The following HMGN5 variants were observed in gnomAD, a reference collection of about 807,000 sequenced individuals.
The protein encoded by HMGN5 is high mobility group nucleosome-binding domain-containing protein 5.
Under a neutral mutation model 9.5 loss-of-function variants are expected in HMGN5, and 4 were observed. The observed-to-expected ratio is 0.42, with a 90% CI of 0.21 to 0.96. The LOEUF (loss-of-function observed/expected upper bound fraction) is 0.96. Among genes scored for constraint, HMGN5 ranks in the 40% least tolerant of loss-of-function variants. The probability of loss-of-function intolerance (pLI) is 0.30; values close to 1 mark genes in which losing one functional copy is unlikely to be tolerated. For missense variants in HMGN5, 192 were observed against 187.5 expected, an observed-to-expected ratio of 1.02 and a Z score of -0.14; for synonymous variants, 55 against 57.1, an observed-to-expected ratio of 0.96 and a Z score of 0.16.
chrX:81,170,053 CAAAAAAAA>C (rs397896203), intron 1 of HMGN5, among the ~76,000 whole-genome samples: 2 of 34,797 alleles, frequency 5.7e-5, no homozygotes, highest in African/African-American at 8.9e-5. Flanking sequence ...GACCCCGTCT[CAAAAAAAA>C]AAAAAAAAAA....
intron 1 of HMGN5, among the ~76,000 whole-genome samples, chrX:81,181,428 T>C (rs988910000): frequency 1.8e-5 from 2 of 111,750 alleles, no homozygotes; most frequent in African/African-American, 6.5e-5. Flanking sequence ...ATCCATCACC[T>C]CAAGTATTTA....
chrX:81,176,396 T>C (rs918272749), intron 1 of HMGN5, among the ~76,000 whole-genome samples: 1 of 111,452 alleles, frequency 9.0e-6, no homozygotes, highest in African/African-American at 3.3e-5. Flanking sequence ...AGGATCACAG[T>C]TCCTCACCAG....
At chrX:81,170,297 T>C (rs1164264865) in intron 1 of HMGN5, among the ~76,000 whole-genome samples, 1 of 111,303 alleles carries the variant, frequency 9.0e-6, no homozygotes, top group Admixed American at 9.6e-5. Context: ...TGTGATGCAC[T>C]GAGTCCATGA....
chrX:81,196,021 T>C (rs765476404), intron 1 of HMGN5, among the ~76,000 whole-genome samples: 2 of 111,127 alleles, frequency 1.8e-5, no homozygotes, highest in Admixed American at 9.5e-5. Context: ...TGCACATCAC[T>C]ACATAGCAGG....
rs397896203 is a variant in HMGN5 at position 81,170,053 on chromosome X, C to CAA, written c.-124+31682_-124+31683dup. 4.9e-3 allele frequency among the ~76,000 whole-genome samples: 169 copies of CAA among 34,738 alleles called. 1 individual carries two copies. Among genetic ancestry groups the CAA allele is most frequent in the African/African-American group, 0.012 (133 of 11,225 alleles). The allele number at this position is 34,738 out of a possible 115,157, so 30.2% of individuals were successfully genotyped here. A position where few individuals can be genotyped will look rare whatever the true frequency, so the allele number is the denominator to read the frequency against. On this transcript the variant is annotated intron_variant, in intron 1 of 6. Coordinates refer to ENST00000358130, the MANE Select transcript of HMGN5 (RefSeq NM_030763.3). ...TGGGAGACAGAGTGAGACCCCGTCTCAAAAAAAAAAAAAAAAAAAACCATG... is the reference window on the plus strand; with the variant it reads ...TGGGAGACAGAGTGAGACCCCGTCTCAAAAAAAAAAAAAAAAAAAAAACCATG...
chrX:81,180,273 A>G (rs1219244355), intron 1 of HMGN5, among the ~76,000 whole-genome samples: 1 of 111,675 alleles, frequency 9.0e-6, no homozygotes, highest in Non-Finnish European at 1.9e-5. Flanking sequence ...GGCAACCTAC[A>G]GAATGGGAGA....
At chrX:81,200,079 T>A (rs1343477284) in intron 1 of HMGN5, among the ~76,000 whole-genome samples, 2 of 112,411 alleles carry the variant, frequency 1.8e-5, no homozygotes, top group Non-Finnish European at 3.8e-5. Flanking sequence ...GAACAGACAT[T>A]TCTCAAAAGA....
intron 1 of HMGN5, among the ~76,000 whole-genome samples, chrX:81,175,643 C>T (rs1043545527): frequency 5.4e-5 from 6 of 110,834 alleles, no homozygotes; most frequent in Non-Finnish European, 7.6e-5. Flanking sequence ...CAGCCGCATG[C>T]CAAGCAGTCA....
In HMGN5 at chrX:81,133,581, A is replaced by T. The variant is rs1258892232; in HGVS notation, c.-123-11909T>A. ...AGGGACATGTATGGAGCTGGAGGCC[A>T]TTATGCTTAGAAAACTAACCCAGGA... On this transcript the variant is annotated intron_variant, in intron 1 of 6. Coordinates refer to ENST00000358130, the MANE Select transcript of HMGN5 (RefSeq NM_030763.3). 2.7e-5 allele frequency among the ~76,000 whole-genome samples: 3 copies of T among 111,581 alleles called. No homozygotes were observed. In the East Asian group the frequency reaches 8.4e-4, roughly 31 times the overall value.
intron 1 of HMGN5, among the ~76,000 whole-genome samples, chrX:81,164,906 C>A (rs1050411859): frequency 9.0e-6 from 1 of 111,067 alleles, no homozygotes; most frequent in African/African-American, 3.3e-5. Flanking sequence ...AGACTATAAC[C>A]TCTTTTAAGC....
chrX:81,115,030 ATCT>A lies in HMGN5; in HGVS notation c.465_467del (p.Glu155del), dbSNP rs1478024166. 7 of 1,131,783 alleles carry A rather than the reference ATCT, an allele frequency of 6.2e-6. 1 individual carries two copies. Among genetic ancestry groups the A allele is most frequent in the Middle Eastern group, 3.3e-4 (1 of 3,004 alleles). 93.3% of individuals were successfully genotyped at this position (1,131,783 alleles called of 1,213,427 possible). A position where few individuals can be genotyped will look rare whatever the true frequency, so the allele number is the denominator to read the frequency against. On this transcript the variant is annotated inframe_deletion, in exon 7 of 7. Transcript: ENST00000358130. ...CATTTCCATTTTTATCCTCTTTTCC[ATCT>A]TCTTCCCCTTTTTCATCTTTGTCTT...
At chrX:81,144,940 A>G (rs1199002077) in intron 1 of HMGN5, among the ~76,000 whole-genome samples, 4 of 111,796 alleles carry the variant, frequency 3.6e-5, no homozygotes, top group Non-Finnish European at 7.5e-5. Flanking sequence ...CAAAAAGACA[A>G]GATTAGAGAA....
At chrX:81,140,435 C>T (rs2075325118) in intron 1 of HMGN5, among the ~76,000 whole-genome samples, 1 of 109,591 alleles carries the variant, frequency 9.1e-6, no homozygotes, top group Non-Finnish European at 1.9e-5. Flanking sequence ...TGGCGGGCGC[C>T]TGTAGTCCCA....
At chrX:81,151,919 T>A (rs2147562643) in intron 1 of HMGN5, among the ~76,000 whole-genome samples, 1 of 111,747 alleles carries the variant, frequency 8.9e-6, no homozygotes, top group African/African-American at 3.3e-5. Flanking sequence ...CTTCCTCTTT[T>A]CCTAATTTAA....
rs1254106064 is a variant in HMGN5 at position 81,201,866 on chromosome X, TTTC to T, written c.-256_-254del. 2 of 263,156 alleles carry T rather than the reference TTTC, an allele frequency of 7.6e-6. No individual in the cohort carries two copies. Among genetic ancestry groups the T allele is most frequent in the East Asian group, 1.8e-4 (2 of 11,274 alleles). The allele number at this position is 263,156 out of a possible 1,213,427, so 21.7% of individuals were successfully genotyped here. A position where few individuals can be genotyped will look rare whatever the true frequency, so the allele number is the denominator to read the frequency against. On this transcript the variant is annotated 5_prime_UTR_variant, in exon 1 of 7. Transcript: ENST00000358130. ...TAATTCAATTCAGTTCTCCTTTTTC[TTTC>T]TTCTTCTCCTCGCCCTCTTCTCAGG... is the stretch of plus-strand genomic sequence containing the variant.
intron 1 of HMGN5, among the ~76,000 whole-genome samples, chrX:81,170,182 T>C (rs1185931246): frequency 9.1e-6 from 1 of 109,867 alleles, no homozygotes; most frequent in Non-Finnish European, 1.9e-5. Context: ...GAGGCATTAC[T>C]ACAGCAAGGA....
intron 1 of HMGN5, among the ~76,000 whole-genome samples, chrX:81,176,298 A>G (rs2075441438): frequency 8.9e-6 from 1 of 111,939 alleles, no homozygotes; most frequent in African/African-American, 3.2e-5. Context: ...TGAAAGACCA[A>G]AGGTAGCTAA....
intron 1 of HMGN5, among the ~76,000 whole-genome samples, chrX:81,181,354 G>A (rs888819378): frequency 3.7e-5 from 4 of 109,008 alleles, no homozygotes; most frequent in African/African-American, 6.7e-5. Flanking sequence ...TATATTTATC[G>A]GTTACGTGAT....
At chrX:81,167,669 A>G (rs959626573) in intron 1 of HMGN5, among the ~76,000 whole-genome samples, 3 of 112,308 alleles carry the variant, frequency 2.7e-5, no homozygotes, top group Admixed American at 1.9e-4. Flanking sequence ...TGTGACTAAG[A>G]TTTTACTTTA....
Sources: gnomAD v4.1 joint callset for allele counts (sites outside exome capture counted in the v4.1 genomes callset) on GRCh38, gnomAD v4.1.1 for gene constraint, MANE v1.5 for transcripts, NCBI Gene and HGNC (gene_info 2026-07-23, HGNC 2026-07-21) for gene names.